GGT1: variants seen among roughly 807,000 people sequenced by gnomAD.
GGT1 encodes the protein gamma-glutamyltransferase 1.
GGT1 carries 21 observed loss-of-function variants against 56.0 expected under a neutral mutation model. The observed-to-expected ratio is 0.38, with a 90% CI of 0.27 to 0.54. The LOEUF is 0.54. GGT1 is among the 20% of genes least tolerant of loss of function. The probability of loss-of-function intolerance (pLI) is 0.82; values close to 1 mark genes in which losing one functional copy is unlikely to be tolerated. For missense variants in GGT1, 466 were observed against 787.0 expected (o/e 0.59, Z 4.88); for synonymous variants, 238 against 342.6 (o/e 0.69, Z 3.37).
chr22:24,611,201 G>A lies in GGT1; in HGVS notation c.120G>A (p.Arg40=). 6.3e-7 allele frequency: 1 copy of A among 1,583,050 alleles called. No homozygotes were observed. The highest frequency in any genetic ancestry group is 8.6e-7 in the Non-Finnish European group (1 of 1,164,872). ...SKEPDNHVYT[R]AAVAADAKQC... is the part of the protein sequence containing the mutation. ...AACCTGACAACCATGTGTACACCAG[G>A]GCTGCCGTGGCCGCGGATGCCAAGC... The change falls in exon 5 of 16, where the codon AGG becomes AGA. Residue 40 remains arginine (R), a synonymous_variant. Transcript: ENST00000400382.
the GGT1 span, chr22:24,588,285 G>T: frequency 7.4e-6 from 12 of 1,613,644 alleles, no homozygotes; most frequent in South Asian, 1.2e-4. Context: ...GGTGGTAGAT[G>T]AGCTGTCGGC....
the GGT1 span, among the ~76,000 whole-genome samples, chr22:24,584,088 C>T: frequency 6.6e-6 from 1 of 152,230 alleles, no homozygotes. Context: ...GCCCCTCCCA[C>T]CATCTACCCC....
upstream of GGT1, among the ~76,000 whole-genome samples, chr22:24,602,249 C>T (rs1365192182): frequency 5.9e-5 from 9 of 152,182 alleles, no homozygotes; most frequent in Admixed American, 1.3e-4. Context: ...AATCCCAGCT[C>T]GGGCTGGATT....
At chr22:24,594,454 G>T (rs562022315), upstream of GGT1, among the ~76,000 whole-genome samples, 1 of 150,706 alleles carries the variant, frequency 6.6e-6, no homozygotes, top group Non-Finnish European at 1.5e-5. Flanking sequence ...AAGATTCAAG[G>T]TTCCTTCCTT....
At chr22:24,592,581 T>A, upstream of GGT1, 1 of 479,544 alleles carries the variant, frequency 2.1e-6, no homozygotes. Flanking sequence ...ACAACCCCTC[T>A]CAAACCCCAA....
At position 24,627,439 on chromosome 22, in the gene GGT1, G is replaced by A. The variant is rs201401901; in HGVS notation, c.1028G>A (p.Arg343His). 3,000 of 1,515,890 alleles carry A rather than the reference G, an allele frequency of 2.0e-3. No individual in the cohort carries two copies. Among genetic ancestry groups the A allele is most frequent in the South Asian group, 4.6e-3 (365 of 79,092 alleles). 93.9% of individuals were successfully genotyped at this position (1,515,890 alleles called of 1,614,324 possible). The change falls in exon 12 of 16, where the codon CGC becomes CAC. Residue 343 changes from arginine (R) to histidine (H), a missense_variant. Physicochemically the swap from Arg to His is conservative, Grantham distance 29 (BLOSUM62 0). Around this residue, in one of 2 missense-constraint regions of GGT1, gnomAD observed 456 missense variants for 716.7 expected, o/e 0.64. Transcript: ENST00000400382. ...GCTCTGGGGTCTCGGCAGGTGGTCC[G>A]CAACATGACCTCCGAGTTCTTCGCT... ...PKFVDVTEVV[R>H]NMTSEFFAAQ...
chr22:24,589,127 G>A, the GGT1 span: 6 of 1,128,102 alleles, frequency 5.3e-6, no homozygotes, highest in South Asian at 1.9e-5. Context: ...GGCCCAGAGC[G>A]GATACCCTGG....
At chr22:24,623,054 C>G in intron 9 of GGT1, 53 bp from the exon 10 acceptor site, 2 of 1,609,816 alleles carry the variant, frequency 1.2e-6, no homozygotes, top group South Asian at 1.1e-5. Flanking sequence ...CCATCCTCCA[C>G]GCAGTGGTGC....
At chr22:24,605,913 A>C (rs2046230725) in intron 1 of GGT1, among the ~76,000 whole-genome samples, 1 of 89,844 alleles carries the variant, frequency 1.1e-5, no homozygotes, top group Non-Finnish European at 1.9e-5. Context: ...ATAATATTAT[A>C]TGATGTGTAT....
chr22:24,626,235 G>A (rs1477438465), intron 11 of GGT1, among the ~76,000 whole-genome samples: 1 of 138,676 alleles, frequency 7.2e-6, no homozygotes, highest in East Asian at 2.0e-4. Context: ...GTCGTGATCC[G>A]CCCTCCCAAA....
At chr22:24,586,625 G>A in the GGT1 span, among the ~76,000 whole-genome samples, 50 of 152,358 alleles carry the variant, frequency 3.3e-4, no homozygotes, top group Non-Finnish European at 5.9e-4. Context: ...TCTGCCTCCC[G>A]GATTCAAGCG....
At chr22:24,590,278 C>G (rs1029982560), upstream of GGT1, among the ~76,000 whole-genome samples, 1 of 152,094 alleles carries the variant, frequency 6.6e-6, no homozygotes, top group Admixed American at 6.5e-5. Context: ...TAGACAGGCA[C>G]CACTATGCTC....
At chr22:24,627,811 C>T (rs1332652611) in intron 12 of GGT1, 41 bp from the exon 13 acceptor site, 4 of 1,594,062 alleles carry the variant, frequency 2.5e-6, no homozygotes, top group Admixed American at 1.7e-5. Context: ...CCAGGCTGGG[C>T]CAGGCAAGGT....
At chr22:24,605,394 ATATAT>A (rs1436713799) in intron 1 of GGT1, among the ~76,000 whole-genome samples, 2 of 82,174 alleles carry the variant, frequency 2.4e-5, no homozygotes, top group Non-Finnish European at 4.0e-5. Flanking sequence ...AATATGTATT[ATATAT>A]TATATAATAT....
chr22:24,603,837 C>A (rs2045857991), intron 1 of GGT1, among the ~76,000 whole-genome samples: 1 of 151,926 alleles, frequency 6.6e-6, no homozygotes, highest in Admixed American at 6.6e-5. Context: ...GCCATGCTTG[C>A]CTCGCTCCTG....
intron 5 of GGT1, among the ~76,000 whole-genome samples, chr22:24,614,340 CT>C (rs1478260279): frequency 1.2e-5 from 1 of 83,118 alleles, no homozygotes; most frequent in Non-Finnish European, 2.0e-5. Context: ...CAAAGAGAGA[CT>C]TTGTCTCAAA....
At chr22:24,589,167 G>T in the GGT1 span, 15 of 1,167,034 alleles carry the variant, frequency 1.3e-5, no homozygotes, top group Non-Finnish European at 1.6e-5. Context: ...GTGACTAGGA[G>T]TCTGGGTCCG....
chr22:24,600,284 T>A (rs1240710783), upstream of GGT1, among the ~76,000 whole-genome samples: 1 of 152,204 alleles, frequency 6.6e-6, no homozygotes, highest in African/African-American at 2.4e-5. Context: ...ACCCAGCAAC[T>A]GTTCTAGTTA....
At chr22:24,626,315 T>C (rs796269199) in intron 11 of GGT1, among the ~76,000 whole-genome samples, 1 of 129,986 alleles carries the variant, frequency 7.7e-6, no homozygotes, top group East Asian at 2.1e-4. Context: ...CGCCCGGTGT[T>C]GAAACTCCCT....
Sources: allele counts gnomAD v4.1 joint callset (sites outside exome capture counted in the v4.1 genomes callset), GRCh38; gene constraint gnomAD v4.1.1; regional missense constraint gnomAD v4.1.1; transcripts MANE v1.5; gene names NCBI Gene and HGNC (gene_info 2026-07-23, HGNC 2026-07-21).